SERPINB7: variants seen among roughly 807,000 people sequenced by gnomAD.
The protein encoded by SERPINB7 is serpin family B member 7, also known as serpin B7.
Under a neutral mutation model 37.4 loss-of-function variants are expected in SERPINB7, and 31 were observed. The observed-to-expected ratio is 0.83, with a 90% CI of 0.62 to 1.12. The LOEUF is 1.12. Ranked by LOEUF, SERPINB7 falls within the 50% of genes most tolerant of loss-of-function variation. SERPINB7 has a pLI of 0.00. For missense variants in SERPINB7, 521 were observed against 455.3 expected (o/e 1.14, Z -1.31); for synonymous variants, 163 against 166.1 (o/e 0.98, Z 0.14).
chr18:63,783,219 AG>A (rs1568207736), intron 2 of SERPINB7, among the ~76,000 whole-genome samples: 799 of 74,398 alleles, frequency 0.011, 1 homozygote, highest in East Asian at 0.017. Context: ...AGAGAGAGAG[AG>A]AGAGAGAGAG....
upstream of SERPINB7, among the ~76,000 whole-genome samples, chr18:63,772,545 G>A (rs980677043): frequency 2.0e-5 from 3 of 152,036 alleles, no homozygotes; most frequent in East Asian, 1.9e-4. Flanking sequence ...CATTCAAAAC[G>A]TGATGATAAA....
chr18:63,769,965 C>T (rs1167027358), intron 1 of SERPINB7, among the ~76,000 whole-genome samples: 3 of 150,976 alleles, frequency 2.0e-5, no homozygotes, highest in Admixed American at 6.6e-5. Context: ...CGACTTGGTG[C>T]ACACAGTGTG....
At chr18:63,794,942 A>C (rs1039414630) in intron 4 of SERPINB7, among the ~76,000 whole-genome samples, 19 of 152,218 alleles carry the variant, frequency 1.2e-4, no homozygotes, top group South Asian at 2.1e-4. Flanking sequence ...CTAACAATAC[A>C]TGGTTTGTAA....
intron 6 of SERPINB7, among the ~76,000 whole-genome samples, chr18:63,800,141 C>T (rs1029666127): frequency 6.6e-6 from 1 of 151,822 alleles, no homozygotes; most frequent in Non-Finnish European, 1.5e-5. Context: ...CTAGCCTTGA[C>T]CTCTTGGGCT....
At chr18:63,773,314 C>T (rs73962395), upstream of SERPINB7, among the ~76,000 whole-genome samples, 327 of 152,204 alleles carry the variant, frequency 2.1e-3, 2 homozygotes, top group African/African-American at 7.6e-3. Context: ...ACAAATAAAA[C>T]ACAAATGACA....
chr18:63,798,145 A>G (rs1437512497), intron 5 of SERPINB7, among the ~76,000 whole-genome samples: 1 of 152,242 alleles, frequency 6.6e-6, no homozygotes, highest in Admixed American at 6.5e-5. Flanking sequence ...AGAATAGTGC[A>G]TAGCATCCAG....
At chr18:63,773,387 C>T (rs2049222645), upstream of SERPINB7, among the ~76,000 whole-genome samples, 1 of 152,092 alleles carries the variant, frequency 6.6e-6, no homozygotes, top group Non-Finnish European at 1.5e-5. Context: ...TAATTTGGAA[C>T]ATTAAGTATT....
chr18:63,755,863 C>T (rs1040904655), intron 1 of SERPINB7, among the ~76,000 whole-genome samples: 6 of 152,116 alleles, frequency 3.9e-5, no homozygotes, highest in Non-Finnish European at 8.8e-5. Context: ...CACTGTGCCC[C>T]AGCCTAGGTA....
chr18:63,798,231 G>C (rs1050682372), intron 5 of SERPINB7, among the ~76,000 whole-genome samples: 1 of 152,186 alleles, frequency 6.6e-6, no homozygotes, highest in Non-Finnish European at 1.5e-5. Flanking sequence ...GCAAAAGGTG[G>C]CCTAGTCAAT....
At chr18:63,767,117 A>T (rs905879180) in intron 1 of SERPINB7, among the ~76,000 whole-genome samples, 2 of 152,070 alleles carry the variant, frequency 1.3e-5, no homozygotes, top group Non-Finnish European at 2.9e-5. Flanking sequence ...CCATGGACCT[A>T]CACAGGTCCA....
chr18:63,783,186 A>AAGAAAGAGAGAGAGAG (rs2049320533), intron 2 of SERPINB7, among the ~76,000 whole-genome samples: 1 of 75,226 alleles, frequency 1.3e-5, no homozygotes, highest in African/African-American at 6.0e-5. Context: ...GAAAGAAAGA[A>AAGAAAGAGAGAGAGAG]AGAGAGAGAG....
chr18:63,762,148 A>C (rs1174092216), intron 1 of SERPINB7, among the ~76,000 whole-genome samples: 1 of 152,192 alleles, frequency 6.6e-6, no homozygotes, highest in Non-Finnish European at 1.5e-5. Context: ...TCTGCTCCAC[A>C]GTAACCCTGC....
chr18:63,800,867 G>C lies in SERPINB7; in HGVS notation c.599G>C (p.Cys200Ser), dbSNP rs751334291. 1 of 1,613,014 alleles carries C rather than the reference G, an allele frequency of 6.2e-7. No individual in the cohort carries two copies. ...TINCHFKSPK[C>S]SGKAVAMMHQ... ...AATTTTTTGTGACTTGACTTTCAGT[G>C]CTCTGGGAAGGCAGTCGCCATGATG... is the stretch of plus-strand genomic sequence containing the variant. The change falls in exon 7 of 8, where the codon TGC becomes TCC. Residue 200 changes from cysteine (C) to serine (S), a missense_variant and splice_region_variant. Cys to Ser is a moderately radical substitution (Grantham distance 112, BLOSUM62 -1). Coordinates refer to ENST00000398019, the MANE Select transcript of SERPINB7 (RefSeq NM_003784.4).
At chr18:63,767,413 C>T (rs1009985182) in intron 1 of SERPINB7, among the ~76,000 whole-genome samples, 1 of 152,050 alleles carries the variant, frequency 6.6e-6, no homozygotes, top group African/African-American at 2.4e-5. Flanking sequence ...CTGTTCTTCC[C>T]AGATCAATCT....
chr18:63,792,635 T>C (rs1354061704), intron 3 of SERPINB7, among the ~76,000 whole-genome samples, 192 bp downstream of exon 3: 2 of 152,242 alleles, frequency 1.3e-5, no homozygotes, highest in South Asian at 2.1e-4. Flanking sequence ...TCCCAGCTAC[T>C]TGGGGGGCTA....
At chr18:63,786,840 A>G (rs1368002996) in intron 2 of SERPINB7, among the ~76,000 whole-genome samples, 1 of 152,220 alleles carries the variant, frequency 6.6e-6, no homozygotes, top group Admixed American at 6.5e-5. Flanking sequence ...GAAGAGGAAG[A>G]ATTGTGATAA....
At chr18:63,792,742 T>C (rs756640441) in intron 3 of SERPINB7, among the ~76,000 whole-genome samples, 5 of 152,228 alleles carry the variant, frequency 3.3e-5, no homozygotes, top group Non-Finnish European at 7.3e-5. Context: ...ATTTCCAGAT[T>C]GTGAATTTTT....
intron 1 of SERPINB7, among the ~76,000 whole-genome samples, chr18:63,756,804 T>TTTGTG (rs1555691745): frequency 2.2e-5 from 3 of 137,264 alleles, no homozygotes; most frequent in African/African-American, 8.1e-5. Context: ...TTGGGGTAGC[T>TTTGTG]TGTGTGTGTG....
intron 1 of SERPINB7, among the ~76,000 whole-genome samples, chr18:63,768,170 T>C (rs1168112336): frequency 6.6e-6 from 1 of 152,116 alleles, no homozygotes; most frequent in Non-Finnish European, 1.5e-5. Context: ...CTCTTTTCTT[T>C]ATGATTTTCT....
Sources: gnomAD v4.1 joint callset for allele counts (sites outside exome capture counted in the v4.1 genomes callset) on GRCh38, gnomAD v4.1.1 for gene constraint, MANE v1.5 for transcripts, NCBI Gene and HGNC (gene_info 2026-07-23, HGNC 2026-07-21) for gene names.